CES4A: variants seen among roughly 807,000 people sequenced by gnomAD.
CES4A encodes carboxylesterase 4A.
Under a neutral mutation model 65.4 loss-of-function variants are expected in CES4A, and 48 were observed. The observed-to-expected ratio is 0.73, with a 90% CI of 0.58 to 0.93. The LOEUF (loss-of-function observed/expected upper bound fraction) is 0.93. Ranked by LOEUF, CES4A falls within the 40% of genes least tolerant of loss-of-function variation. CES4A has a pLI of 0.00. For synonymous variants in CES4A, 247 were observed against 281.8 expected (o/e 0.88, Z 1.24); for missense variants, 685 against 728.5 (o/e 0.94, Z 0.69).
chr16:67,000,527 A>ACGCACG lies in CES4A; in HGVS notation c.261-105_261-100dup, dbSNP rs1003806197. On this transcript the variant is annotated intron_variant, in intron 2 of 13. Transcript: ENST00000648724. This position sits in a 1 kb window ranked among gnomAD's most constrained non-coding sequence, Gnocchi z 4.2. ...CACACGCACGCACATGCGCACGCAC[A>ACGCACG]CGCACGCGCACAGACGCTGCCTGGA... The ACGCACG allele has an allele frequency of 9.6e-6, 14 of 1,457,942 alleles. No homozygotes were observed. In the African/African-American group the frequency reaches 1.4e-4, roughly 15 times the overall value. The allele number at this position is 1,457,942 out of a possible 1,614,324, so 90.3% of individuals were successfully genotyped here.
At chr16:66,999,246 C>G (rs1214988998) in intron 2 of CES4A, among the ~76,000 whole-genome samples, 1 of 152,208 alleles carries the variant, frequency 6.6e-6, no homozygotes, top group Non-Finnish European at 1.5e-5. Flanking sequence ...GCGAGGCAAA[C>G]AGGGTGTCCT....
Position 67,004,844 on chromosome 16 carries a change from A to G in CES4A, c.1132A>G (p.Lys378Glu), listed in dbSNP as rs1437470947. 4 of 1,536,044 alleles carry G rather than the reference A, an allele frequency of 2.6e-6. No individual in the cohort carries two copies. In the East Asian group the frequency reaches 9.8e-5, roughly 38 times the overall value. ...GGCGATGAGAAAGGAAACCATCACT[A>G]AGATGCTCTGGAGTACCCGCACCCT... The change falls in exon 10 of 14, where the codon AAG becomes GAG. Residue 378 changes from lysine to glutamate, a missense_variant. Physicochemically the swap from Lys to Glu is moderately conservative, Grantham distance 56 (BLOSUM62 1). Transcript: ENST00000648724.
In CES4A at chr16:67,001,290, T is replaced by C; in HGVS notation, c.537-18T>C. The C allele has an allele frequency of 6.3e-7, 1 of 1,579,426 alleles. No homozygotes were observed. The highest frequency in any genetic ancestry group is 8.6e-7 in the Non-Finnish European group (1 of 1,163,814). On this transcript the variant is annotated intron_variant, in intron 4 of 13. Transcript: ENST00000648724. This position sits in a 1 kb window ranked among gnomAD's most constrained non-coding sequence, Gnocchi z 4.1. ...CTGTCGAGGCCCGGGACCCTGACAG[T>C]GAACCCCACACGCCCAGCACGGACG...
At chr16:66,992,501 G>A (rs1422631840) in intron 1 of CES4A, among the ~76,000 whole-genome samples, 1 of 152,178 alleles carries the variant, frequency 6.6e-6, no homozygotes, top group African/African-American at 2.4e-5. Flanking sequence ...TCTCATCAGA[G>A]AGTGTGGGGT....
rs954772969 is a variant in CES4A at position 67,001,567 on chromosome 16, G to A, written c.690+106G>A. ...TGTGCAGATTTGCGTGTACAGGAAC[G>A]TGCCTGCCACAGAAATGCTCTCGCC... On this transcript the variant is annotated intron_variant, in intron 5 of 13. Transcript: ENST00000648724. This position sits in a 1 kb window ranked among gnomAD's most constrained non-coding sequence, Gnocchi z 4.1. The A allele has an allele frequency of 4.5e-6, 6 of 1,332,690 alleles. No homozygotes were observed. The highest frequency in any genetic ancestry group is 6.1e-6 in the Non-Finnish European group (6 of 984,846). 82.6% of individuals were successfully genotyped at this position (1,332,690 alleles called of 1,614,324 possible).
chr16:66,995,817 C>G (rs750095223), exon 2 of CES4A: 5 of 1,613,680 alleles, frequency 3.1e-6, no homozygotes, highest in Non-Finnish European at 4.2e-6. Context: ...GATGCTACCA[C>G]CTACCCGCCT....
In CES4A at chr16:67,009,301, C is replaced by T. The variant is rs1966010314; in HGVS notation, c.*159C>T. 3 of 679,930 alleles carry T rather than the reference C, an allele frequency of 4.4e-6. No homozygotes were observed. In the South Asian group the frequency reaches 6.1e-5, roughly 14 times the overall value. The allele number at this position is 679,930 out of a possible 1,614,324, so 42.1% of individuals were successfully genotyped here. On this transcript the variant is annotated 3_prime_UTR_variant, in exon 14 of 14. Transcript: ENST00000648724. ...CTCCAGGCCAAAGCTAGAGCTTTTG[C>T]CTGTTGTGTGGGACCTGCACTGCCC...
chr16:67,005,490 T>C, intron 11 of CES4A, 97 bp downstream of exon 11: 10 of 1,177,152 alleles, frequency 8.5e-6, no homozygotes, highest in Non-Finnish European at 1.2e-5. Flanking sequence ...CTACCCTCTC[T>C]GTACTTCTGG....
At chr16:66,992,312 A>C (rs1964457234) in intron 1 of CES4A, among the ~76,000 whole-genome samples, 1 of 152,196 alleles carries the variant, frequency 6.6e-6, no homozygotes, top group South Asian at 2.1e-4. Flanking sequence ...CATTGCAGTC[A>C]CTTCTTTTTG....
In CES4A at chr16:66,995,624, C is replaced by G; in HGVS notation, c.59-4C>G. 1 of 1,613,790 alleles carries G rather than the reference C, an allele frequency of 6.2e-7. No homozygotes were observed. Among genetic ancestry groups the G allele is most frequent in the Non-Finnish European group, 8.5e-7 (1 of 1,179,670 alleles). On this transcript the variant is annotated splice_region_variant and splice_polypyrimidine_tract_variant and intron_variant, in intron 1 of 13. Coordinates refer to ENST00000648724, the Ensembl canonical transcript of CES4A. ...GAGGTGACCCTTTTCCCTTCTCTTC[C>G]CAGGTGCCTTGCACACCAAGAGGCC...
At chr16:67,007,264 A>T in intron 13 of CES4A, 1 of 157,288 alleles carries the variant, frequency 6.4e-6, no homozygotes, top group Non-Finnish European at 1.4e-5. Context: ...GTGACATGTA[A>T]AGAGAGCTTT....
chr16:66,992,207 T>C (rs893471205), intron 1 of CES4A, among the ~76,000 whole-genome samples: 1 of 152,218 alleles, frequency 6.6e-6, no homozygotes, highest in African/African-American at 2.4e-5. Flanking sequence ...GAGAAGCCCA[T>C]GTGAAAGAGC....
At position 67,000,658 on chromosome 16, in the gene CES4A, G is replaced by T; in HGVS notation, c.281G>T (p.Gly94Val). 6.5e-7 allele frequency: 1 copy of T among 1,549,166 alleles called. No individual in the cohort carries two copies. The highest frequency in any genetic ancestry group is 8.7e-7 in the Non-Finnish European group (1 of 1,146,546). ...CGCAGGTGCCTGCAGGAGTCCTGGG[G>T]CCAGCTGGCCTCGATGTACGTCAGC... The change falls in exon 3 of 14, where the codon GGC (glycine) becomes GTC (valine). Residue 94 changes from glycine (G) to valine (V), a missense_variant. Coordinates refer to ENST00000648724, the Ensembl canonical transcript of CES4A. The surrounding 1 kb of genome is among the most constrained non-coding windows in gnomAD (Gnocchi z 4.2).
At chr16:67,007,024 C>A in intron 13 of CES4A, 1 of 569,482 alleles carries the variant, frequency 1.8e-6, no homozygotes. Context: ...CCATGACCCA[C>A]ACTCTTCATT....
rs1353627302 is a variant in CES4A, at chr16:67,000,362, A to C, written c.261-276A>C. Among the ~76,000 whole-genome samples the C allele has an allele frequency of 6.6e-6, 1 of 152,098 alleles. No individual in the cohort carries two copies. On this transcript the variant is annotated intron_variant, in intron 2 of 13. Transcript: ENST00000648724. The surrounding 1 kb of genome is among the most constrained non-coding windows in gnomAD (Gnocchi z 4.2). ...AGACAGGGAGGTGCCCAGGGCAGGC[A>C]GGTTCCTGCCTTGACAGCACCAACA...
chr16:66,995,879 G>A (rs762852498), intron 2 of CES4A, 50 bp downstream of exon 2: 2 of 1,523,926 alleles, frequency 1.3e-6, no homozygotes, highest in Non-Finnish European at 9.1e-7. Flanking sequence ...GCCTATGCCT[G>A]CATCTGGGTG....
chr16:67,004,069 C>T lies in CES4A; in HGVS notation c.940-15C>T, dbSNP rs764259035. 1 of 1,613,452 alleles carries T rather than the reference C, an allele frequency of 6.2e-7. No individual in the cohort carries two copies. The highest frequency in any genetic ancestry group is 2.2e-5 in the East Asian group (1 of 44,882). ...TACTTGAGGAGACTGGCTGGAAATG[C>T]CCTTTGCCTTGTAGATTATCTGGTC... On this transcript the variant is annotated splice_polypyrimidine_tract_variant and intron_variant, in intron 8 of 13. Transcript: ENST00000648724.
intron 2 of CES4A, among the ~76,000 whole-genome samples, chr16:66,998,183 G>A (rs1042946123): frequency 6.6e-6 from 1 of 152,058 alleles, no homozygotes; most frequent in Non-Finnish European, 1.5e-5. Flanking sequence ...TGAGGGTCGA[G>A]GACTGGGCAC....
At position 67,001,464 on chromosome 16, in the gene CES4A, G is replaced by C. The variant is rs754655963; in HGVS notation, c.690+3G>C. 4.4e-6 allele frequency: 7 copies of C among 1,599,586 alleles called. No individual in the cohort carries two copies. In the East Asian group the frequency reaches 1.6e-4, roughly 36 times the overall value. On this transcript the variant is annotated splice_donor_region_variant and intron_variant, in intron 5 of 13. Coordinates refer to ENST00000648724, the Ensembl canonical transcript of CES4A. This position sits in a 1 kb window ranked among gnomAD's most constrained non-coding sequence, Gnocchi z 4.1. ...GGGCCATGAGCATCTCAGGACTGGT[G>C]AGAGCAATGCCCAGACGGACCGAGC...
Sources: allele counts gnomAD v4.1 joint callset (sites outside exome capture counted in the v4.1 genomes callset), GRCh38; gene constraint gnomAD v4.1.1; non-coding constraint Gnocchi (gnomAD v3.1); transcripts MANE v1.5; gene names NCBI Gene and HGNC (gene_info 2026-07-23, HGNC 2026-07-21).